The following LRRC4C variants were observed in gnomAD, a reference collection of about 807,000 sequenced individuals.
The protein encoded by LRRC4C is leucine rich repeat containing 4C.
In LRRC4C, 5 loss-of-function variants were observed where a neutral mutation model predicts 33.6. That is an observed-to-expected ratio of 0.15 (90% CI 0.08 to 0.31). The LOEUF is 0.31. Ranked by LOEUF, LRRC4C falls within the 10% of genes least tolerant of loss-of-function variation. LRRC4C has a pLI of 1.00. For missense variants in LRRC4C, 560 were observed against 796.7 expected (o/e 0.70, Z 3.58); for synonymous variants, 329 against 302.0 (o/e 1.09, Z -0.93).
At chr11:40,264,191 G>C (rs1046006262) in intron 4 of LRRC4C, among the ~76,000 whole-genome samples, 7 of 152,126 alleles carry the variant, frequency 4.6e-5, no homozygotes, top group African/African-American at 1.7e-4. Flanking sequence ...TGAAAACAGA[G>C]AGCACTGTGT....
chr11:41,031,816 G>A (rs1351690190), intron 1 of LRRC4C, among the ~76,000 whole-genome samples: 3 of 151,918 alleles, frequency 2.0e-5, no homozygotes, highest in African/African-American at 7.3e-5. Flanking sequence ...AGCATAAATT[G>A]GGCTGTTCCC....
chr11:40,143,621 T>C (rs1252600303), intron 5 of LRRC4C, among the ~76,000 whole-genome samples: 1 of 152,166 alleles, frequency 6.6e-6, no homozygotes, highest in Non-Finnish European at 1.5e-5. Context: ...AATACCTGTA[T>C]ACTTTGCTTC....
At chr11:40,284,709 A>G (rs1943715676) in intron 4 of LRRC4C, among the ~76,000 whole-genome samples, 1 of 152,158 alleles carries the variant, frequency 6.6e-6, no homozygotes, top group Non-Finnish European at 1.5e-5. Flanking sequence ...GACTGGTTGG[A>G]TAGGAGGGAT....
intron 5 of LRRC4C, among the ~76,000 whole-genome samples, chr11:40,240,108 G>C (rs561884645): frequency 5.3e-5 from 8 of 152,120 alleles, no homozygotes; most frequent in African/African-American, 9.7e-5. Flanking sequence ...CTTCCTGGCA[G>C]TCTCTTTGCT....
intron 5 of LRRC4C, among the ~76,000 whole-genome samples, chr11:40,150,539 C>G (rs1290978956): frequency 1.3e-5 from 2 of 152,224 alleles, no homozygotes; most frequent in African/African-American, 2.4e-5. Context: ...ACTACAGCCT[C>G]AAACTCCTGG....
intron 3 of LRRC4C, among the ~76,000 whole-genome samples, chr11:40,554,963 C>T (rs1029526162): frequency 1.7e-4 from 24 of 143,178 alleles, no homozygotes; most frequent in South Asian, 1.3e-3. Flanking sequence ...CCTCGTGATC[C>T]GCCCGCCTCG....
At chr11:40,238,517 C>A (rs1004900413) in intron 5 of LRRC4C, among the ~76,000 whole-genome samples, 1 of 152,136 alleles carries the variant, frequency 6.6e-6, no homozygotes, top group Non-Finnish European at 1.5e-5. Context: ...CTAGCAGAAT[C>A]ATTTTTTAAA....
At chr11:40,928,801 G>T (rs1175004659) in intron 2 of LRRC4C, among the ~76,000 whole-genome samples, 1 of 151,928 alleles carries the variant, frequency 6.6e-6, no homozygotes, top group Non-Finnish European at 1.5e-5. Context: ...AAGAAAATTG[G>T]GGTAAGTTAA....
chr11:40,812,622 T>C (rs1327495783), intron 2 of LRRC4C, among the ~76,000 whole-genome samples: 1 of 152,102 alleles, frequency 6.6e-6, no homozygotes, highest in Admixed American at 6.6e-5. Context: ...GAAAGATATT[T>C]GCCCTAAGCT....
intron 1 of LRRC4C, among the ~76,000 whole-genome samples, chr11:41,368,211 T>C (rs565210031): frequency 2.0e-5 from 3 of 152,262 alleles, no homozygotes; most frequent in African/African-American, 7.2e-5. Context: ...AGCTTGACAA[T>C]CCTACACTCC....
chr11:40,757,598 A>AG (rs1949014177), intron 2 of LRRC4C, among the ~76,000 whole-genome samples: 2 of 59,408 alleles, frequency 3.4e-5, no homozygotes, highest in South Asian at 4.6e-4. Flanking sequence ...GCAAACTTTG[A>AG]GTTTTTTTTT....
intron 2 of LRRC4C, among the ~76,000 whole-genome samples, chr11:40,700,559 G>A (rs879457044): frequency 6.6e-6 from 1 of 152,092 alleles, no homozygotes; most frequent in Non-Finnish European, 1.5e-5. Flanking sequence ...TCCTACTTTA[G>A]GAGGAATGGA....
chr11:41,319,320 G>A (rs1270374864), intron 1 of LRRC4C, among the ~76,000 whole-genome samples: 1 of 152,104 alleles, frequency 6.6e-6, no homozygotes, highest in Admixed American at 6.6e-5. Context: ...TCTGCAAGGG[G>A]TGACCACTGG....
chr11:40,568,055 C>T (rs886362714), intron 3 of LRRC4C, among the ~76,000 whole-genome samples: 5 of 152,226 alleles, frequency 3.3e-5, no homozygotes, highest in African/African-American at 1.2e-4. Context: ...ATCCCCGCCC[C>T]TTCAGTGTGG....
intron 1 of LRRC4C, among the ~76,000 whole-genome samples, chr11:41,083,381 C>T (rs1246678130): frequency 6.6e-6 from 1 of 152,044 alleles, no homozygotes; most frequent in East Asian, 1.9e-4. Flanking sequence ...TTTATCAAAA[C>T]CTAAGGTAGC....
intron 1 of LRRC4C, among the ~76,000 whole-genome samples, chr11:41,171,697 T>C (rs1944985153): frequency 6.6e-6 from 1 of 152,052 alleles, no homozygotes; most frequent in Non-Finnish European, 1.5e-5. Context: ...AAACTAGATA[T>C]TTTTATTTGC....
At chr11:40,634,303 A>G (rs140866281) in intron 3 of LRRC4C, among the ~76,000 whole-genome samples, 320 of 152,360 alleles carry the variant, frequency 2.1e-3, no homozygotes, top group African/African-American at 7.3e-3. Flanking sequence ...TTCCACAGTT[A>G]AAGATACTGT....
chr11:40,858,190 C>T (rs991247835), intron 2 of LRRC4C, among the ~76,000 whole-genome samples: 8 of 152,052 alleles, frequency 5.3e-5, no homozygotes, highest in Admixed American at 3.3e-4. Context: ...TAGTAGATAC[C>T]GTATTAGTGC....
chr11:41,079,153 T>TC (rs1307533517), intron 1 of LRRC4C, among the ~76,000 whole-genome samples: 51 of 152,306 alleles, frequency 3.3e-4, no homozygotes, highest in African/African-American at 1.2e-3. Context: ...TCAATTCCTT[T>TC]CCCACTACTA....
Sources: allele counts gnomAD v4.1 joint callset (sites outside exome capture counted in the v4.1 genomes callset), GRCh38; gene constraint gnomAD v4.1.1; transcripts MANE v1.5; gene names NCBI Gene and HGNC (gene_info 2026-07-23, HGNC 2026-07-21).